RBFOX1: variants seen among roughly 807,000 people sequenced by gnomAD.
RBFOX1 encodes RNA binding protein fox-1 homolog 1.
In RBFOX1, 8 loss-of-function variants were observed where a neutral mutation model predicts 57.7. The ratio of observed to expected loss-of-function variants is 0.14; its 90% CI spans 0.08 to 0.25. The LOEUF is 0.25. RBFOX1 is among the 10% of genes least tolerant of loss of function. The pLI is 1.00. For synonymous variants in RBFOX1, 326 were observed against 222.4 expected, an observed-to-expected ratio of 1.47 and a Z score of -4.15; for missense variants, 611 against 548.5, an observed-to-expected ratio of 1.11 and a Z score of -1.14.
In RBFOX1 at chr16:7,473,581, C is replaced by G. The variant is rs2062006016; in HGVS notation, c.28-44566C>G. Among the ~76,000 whole-genome samples, 2 of 151,106 alleles carry G rather than the reference C, an allele frequency of 1.3e-5. 1 individual carries two copies. Among genetic ancestry groups the G allele is most frequent in the South Asian group, 4.2e-4 (2 of 4,808 alleles). ...TAGCGAAAGCAGTTTGCTTGTTTTC[C>G]TCTTTACCTGCTACCCATATTATGA... On this transcript the variant is annotated intron_variant, in intron 4 of 15. Coordinates refer to ENST00000550418, the MANE Select transcript of RBFOX1 (RefSeq NM_018723.4).
At chr16:7,196,039 T>G (rs1208177972) in intron 4 of RBFOX1, among the ~76,000 whole-genome samples, 1 of 152,126 alleles carries the variant, frequency 6.6e-6, no homozygotes, top group Non-Finnish European at 1.5e-5. Flanking sequence ...GTATCATATT[T>G]CCCAGCCTCC....
rs1436390 is a variant in RBFOX1, at chr16:5,882,637, C to G, written c.351+15302C>G. 2.0e-5 allele frequency among the ~76,000 whole-genome samples: 3 copies of G among 152,282 alleles called. No homozygotes were observed. In the East Asian group the frequency reaches 5.8e-4, roughly 29 times the overall value. ...TAGGGGTTCAACATTTGAGGGGACACTCTCACAGTAGCCAAGCTCACGCCC... is the reference window on the plus strand; with the variant it reads ...TAGGGGTTCAACATTTGAGGGGACAGTCTCACAGTAGCCAAGCTCACGCCC... On this transcript the variant is annotated intron_variant, in intron 4 of 19. Coordinates refer to the RBFOX1 transcript ENST00000641259.
At chr16:7,301,777 G>T (rs1201765743) in intron 4 of RBFOX1, among the ~76,000 whole-genome samples, 1 of 152,114 alleles carries the variant, frequency 6.6e-6, no homozygotes, top group African/African-American at 2.4e-5. Flanking sequence ...GTGCGAACCC[G>T]TCCGTACAGC....
chr16:6,977,432 C>T (rs2087330129), intron 3 of RBFOX1, among the ~76,000 whole-genome samples: 1 of 151,984 alleles, frequency 6.6e-6, no homozygotes, highest in Non-Finnish European at 1.5e-5. Context: ...TTACTTGTTC[C>T]CTTAACCATA....
At chr16:7,412,080 A>T (rs968073094) in intron 4 of RBFOX1, among the ~76,000 whole-genome samples, 5 of 152,102 alleles carry the variant, frequency 3.3e-5, no homozygotes, top group African/African-American at 1.2e-4. Context: ...GTTAATCGTG[A>T]TGTATTCATA....
At chr16:6,641,778 A>AAAAAAAAAAAAG (rs1568006199) in intron 2 of RBFOX1, among the ~76,000 whole-genome samples, 5 of 31,782 alleles carry the variant, frequency 1.6e-4, no homozygotes, top group Admixed American at 4.8e-4. Context: ...AAAAAAAAAA[A>AAAAAAAAAAAAG]TAGGTTCTGC....
intron 2 of RBFOX1, among the ~76,000 whole-genome samples, chr16:6,557,164 C>T (rs919040909): frequency 3.5e-5 from 5 of 144,534 alleles, no homozygotes; most frequent in African/African-American, 5.1e-5. Context: ...TATATATACA[C>T]ATATATATAT....
chr16:6,817,575 G>T (rs190834633), intron 3 of RBFOX1, among the ~76,000 whole-genome samples: 1 of 150,378 alleles, frequency 6.6e-6, no homozygotes, highest in Non-Finnish European at 1.5e-5. Flanking sequence ...ATTTGGTGGC[G>T]CATGCGTGTA....
Position 7,438,901 on chromosome 16 carries a change from C to A in RBFOX1, c.28-79246C>A, listed in dbSNP as rs565189352. ...GTGATCTATACTGCATGAATCCCCC[C>A]CTTCAGCTCTTGATGTGTCCCTGGG... is the stretch of plus-strand genomic sequence containing the variant. On this transcript the variant is annotated intron_variant, in intron 4 of 15. Coordinates refer to ENST00000550418, the MANE Select transcript of RBFOX1 (RefSeq NM_018723.4). Among the ~76,000 whole-genome samples the A allele has an allele frequency of 7.9e-5, 12 of 152,312 alleles. No homozygotes were observed. In the South Asian group the frequency reaches 1.2e-3, roughly 16 times the overall value.
intron 3 of RBFOX1, among the ~76,000 whole-genome samples, chr16:6,783,757 T>C (rs2081434521): frequency 6.6e-6 from 1 of 152,164 alleles, no homozygotes; most frequent in Non-Finnish European, 1.5e-5. Flanking sequence ...TTCAGGTAAT[T>C]TCTTGCTGCA....
intron 3 of RBFOX1, among the ~76,000 whole-genome samples, chr16:6,866,151 T>G (rs1005602358): frequency 6.6e-6 from 1 of 152,182 alleles, no homozygotes; most frequent in African/African-American, 2.4e-5. Flanking sequence ...TAATATGCAT[T>G]TTTCTTTATA....
At chr16:6,546,596 T>C (rs928805831) in intron 2 of RBFOX1, among the ~76,000 whole-genome samples, 16 of 152,228 alleles carry the variant, frequency 1.1e-4, no homozygotes, top group Non-Finnish European at 2.1e-4. Context: ...TCCTTCTGTC[T>C]GTGTCTGTCT....
At chr16:6,650,125 A>C (rs918096805) in intron 2 of RBFOX1, among the ~76,000 whole-genome samples, 1 of 152,086 alleles carries the variant, frequency 6.6e-6, no homozygotes. Context: ...TCTGTTTTTA[A>C]TTTTTTGAGA....
At chr16:7,570,178 T>A (rs553263740) in intron 5 of RBFOX1, among the ~76,000 whole-genome samples, 58 of 149,834 alleles carry the variant, frequency 3.9e-4, no homozygotes, top group Admixed American at 1.4e-3. Flanking sequence ...TTTTTTTTTT[T>A]AAAAAGTGAC....
At chr16:6,601,322 C>G (rs760380309) in intron 2 of RBFOX1, among the ~76,000 whole-genome samples, 1 of 152,172 alleles carries the variant, frequency 6.6e-6, no homozygotes, top group Non-Finnish European at 1.5e-5. Context: ...TCCCCTCTCT[C>G]ATGAACTTTC....
intron 6 of RBFOX1, among the ~76,000 whole-genome samples, chr16:7,583,750 G>GT (rs1408685635): frequency 5.9e-5 from 9 of 152,248 alleles, no homozygotes; most frequent in African/African-American, 2.2e-4. Flanking sequence ...GGAGGCCGAG[G>GT]TGGGAGGGTT....
chr16:6,882,951 T>G (rs1163803583), intron 3 of RBFOX1, among the ~76,000 whole-genome samples: 2 of 152,204 alleles, frequency 1.3e-5, no homozygotes, highest in East Asian at 3.9e-4. Context: ...CTTCCCCTCC[T>G]GCTTTAGCAA....
In RBFOX1 at chr16:7,616,234, G is replaced by C. The variant is rs184286664; in HGVS notation, c.676+8896G>C. Reference sequence around the variant, plus strand: ...GATGAAAAATTAGCAAAGAGGAAAAGTACATGCAGTGAAGTTTAGAAGAAA... The same window carrying C: ...GATGAAAAATTAGCAAAGAGGAAAACTACATGCAGTGAAGTTTAGAAGAAA... On this transcript the variant is annotated intron_variant, in intron 10 of 15. Transcript: ENST00000550418. Among the ~76,000 whole-genome samples the C allele has an allele frequency of 1.4e-3, 208 of 152,308 alleles. 1 individual carries two copies. Among genetic ancestry groups the C allele is most frequent in the Non-Finnish European group, 2.5e-3 (167 of 68,018 alleles).
chr16:6,843,459 C>T (rs892325463), intron 3 of RBFOX1, among the ~76,000 whole-genome samples: 7 of 152,018 alleles, frequency 4.6e-5, no homozygotes, highest in Non-Finnish European at 7.4e-5. Flanking sequence ...GAGGCTGAGG[C>T]GGGCAGATCA....
Sources: allele counts gnomAD v4.1 joint callset (sites outside exome capture counted in the v4.1 genomes callset), GRCh38; gene constraint gnomAD v4.1.1; transcripts MANE v1.5; gene names NCBI Gene and HGNC (gene_info 2026-07-23, HGNC 2026-07-21).